MORC1: variants seen among roughly 807,000 people sequenced by gnomAD.
The protein encoded by MORC1 is MORC family CW-type zinc finger 1.
Under a neutral mutation model 134.9 loss-of-function variants are expected in MORC1, and 59 were observed. That is an observed-to-expected ratio of 0.44 (90% CI 0.35 to 0.54). The LOEUF is 0.54. Among genes scored for constraint, MORC1 ranks in the 20% least tolerant of loss-of-function variants. The pLI, the probability that MORC1 is intolerant of heterozygous loss-of-function variation, is 0.00. For synonymous variants in MORC1, 395 were observed against 391.7 expected (o/e 1.01, Z -0.10); for missense variants, 947 against 1,134.5 (o/e 0.83, Z 2.37).
chr3:108,983,211 GA>G (rs34120459), intron 23 of MORC1, among the ~76,000 whole-genome samples: 19,236 of 152,014 alleles, frequency 0.13, 1,304 homozygotes, highest in Non-Finnish European at 0.15. Context: ...CAGCACTGGG[GA>G]AAAAAAGTTA....
At chr3:109,044,728 C>T (rs1432841155) in intron 14 of MORC1, among the ~76,000 whole-genome samples, 2 of 151,622 alleles carry the variant, frequency 1.3e-5, no homozygotes, top group Non-Finnish European at 2.9e-5. Flanking sequence ...GCAGCTCATT[C>T]AAGGTCAGGA....
Position 109,072,934 on chromosome 3 carries a change from A to AACACACACACACAC in MORC1, c.690-3191_690-3178dup, listed in dbSNP as rs58749136. 2.1e-3 allele frequency among the ~76,000 whole-genome samples: 311 copies of AACACACACACACAC among 144,824 alleles called. 1 individual carries two copies. The highest frequency in any genetic ancestry group is 7.7e-3 in the African/African-American group (285 of 37,168). ...AGGAAGAGACAGAACAATCTCCCTC[A>AACACACACACACAC]ACACACACACACACACACACACACA... On this transcript the variant is annotated intron_variant, in intron 8 of 27. Coordinates refer to ENST00000232603, the MANE Select transcript of MORC1 (RefSeq NM_014429.4).
chr3:109,026,003 A>G (rs918045586), intron 17 of MORC1, among the ~76,000 whole-genome samples: 1 of 152,128 alleles, frequency 6.6e-6, no homozygotes, highest in Non-Finnish European at 1.5e-5. Context: ...GATACTCTGT[A>G]TTTCCCATAA....
At chr3:109,034,333 C>G (rs757324851) in intron 15 of MORC1, among the ~76,000 whole-genome samples, 5 of 152,024 alleles carry the variant, frequency 3.3e-5, no homozygotes, top group Non-Finnish European at 7.4e-5. Flanking sequence ...TTTGTTTGCT[C>G]GTCTGTTTTT....
At position 109,027,773 on chromosome 3, in the gene MORC1, C is replaced by A; in HGVS notation, c.1682G>T (p.Arg561Ile). Residue 561 changes from arginine (R) to isoleucine (I), a missense_variant, in exon 17 of 28, where the codon AGA (arginine) becomes ATA (isoleucine). By Grantham distance (97) the Arg-to-Ile change is moderately conservative. This residue lies in a region of MORC1 where 722 missense variants were observed against 817.0 expected (regional missense o/e 0.88). Coordinates refer to ENST00000232603, the MANE Select transcript of MORC1 (RefSeq NM_014429.4). ...CACCTGTGGCTGCTGTTCTGCCAGTCTATTTTGATACTTTATGACCGACTC... is the reference window on the plus strand; with the variant it reads ...CACCTGTGGCTGCTGTTCTGCCAGTATATTTTGATACTTTATGACCGACTC... Reference protein sequence around the residue: ...LRESVIKYQNRLAEQQPQPQF... With the variant: ...LRESVIKYQNILAEQQPQPQF... 1 of 1,613,724 alleles carries A rather than the reference C, an allele frequency of 6.2e-7. No homozygotes were observed. Among genetic ancestry groups the A allele is most frequent in the Non-Finnish European group, 8.5e-7 (1 of 1,179,806 alleles).
At position 109,118,029 on chromosome 3, in the gene MORC1, C is replaced by A. The variant is rs1181102117; in HGVS notation, c.31G>T (p.Ala11Ser). Residue 11 changes from alanine to serine, a missense_variant, in exon 1 of 28, where the codon GCC becomes TCC. By Grantham distance (99) the Ala-to-Ser change is moderately conservative (BLOSUM62 1). Transcript: ENST00000232603. MDDRYPALQR[A>S]QLRLDFIHAN... Reference sequence around the variant, plus strand: ...TGGATGAAATCCAGACGCAGCTGGGCCCGCTGAAGCGCAGGGTACCTGTCG... The same window carrying A: ...TGGATGAAATCCAGACGCAGCTGGGACCGCTGAAGCGCAGGGTACCTGTCG... 3.1e-6 allele frequency: 5 copies of A among 1,609,598 alleles called. No individual in the cohort carries two copies. In the South Asian group the frequency reaches 3.3e-5, roughly 11 times the overall value.
At chr3:108,963,256 T>G (rs1367210087) in intron 27 of MORC1, among the ~76,000 whole-genome samples, 158 bp downstream of exon 27, 1 of 152,084 alleles carries the variant, frequency 6.6e-6, no homozygotes, top group Admixed American at 6.6e-5. Context: ...CCTTCACAGT[T>G]CATTTATTTA....
At chr3:109,048,835 T>C in intron 14 of MORC1, among the ~76,000 whole-genome samples, 1 of 152,136 alleles carries the variant, frequency 6.6e-6, no homozygotes, top group Non-Finnish European at 1.5e-5. Flanking sequence ...CCCAAACGAC[T>C]CCATTTTAAA....
intron 26 of MORC1, among the ~76,000 whole-genome samples, chr3:108,966,757 T>C (rs1043332570): frequency 6.6e-5 from 10 of 152,032 alleles, no homozygotes; most frequent in Non-Finnish European, 1.3e-4. Flanking sequence ...CCACTGTGTA[T>C]TGGGAGAGTC....
intron 1 of MORC1, among the ~76,000 whole-genome samples, chr3:109,117,051 TC>T (rs141670002): frequency 0.04 from 6,090 of 152,288 alleles, 266 homozygotes; most frequent in Middle Eastern, 0.11. Flanking sequence ...TTAAACTCAC[TC>T]GAAACTATTA....
intron 8 of MORC1, among the ~76,000 whole-genome samples, chr3:109,086,881 T>G (rs1950624829): frequency 6.6e-6 from 1 of 152,014 alleles, no homozygotes; most frequent in South Asian, 2.1e-4. Context: ...AAAAGTCAAA[T>G]TATTTCAAAA....
chr3:108,964,620 T>C (rs910087453), intron 26 of MORC1, among the ~76,000 whole-genome samples: 11 of 152,176 alleles, frequency 7.2e-5, no homozygotes, highest in African/African-American at 2.7e-4. Context: ...TATAGGAAAT[T>C]CTGTTTAATA....
chr3:109,067,813 T>C (rs1448756586), intron 9 of MORC1, among the ~76,000 whole-genome samples: 1 of 152,156 alleles, frequency 6.6e-6, no homozygotes, highest in East Asian at 1.9e-4. Flanking sequence ...GCGAAATCCA[T>C]TGGTGCGTGG....
At position 109,104,228 on chromosome 3, in the gene MORC1, T is replaced by C. The variant is rs563036951; in HGVS notation, c.155-311A>G. Among the ~76,000 whole-genome samples, 5 of 152,296 alleles carry C rather than the reference T, an allele frequency of 3.3e-5. No homozygotes were observed. In the East Asian group the frequency reaches 9.6e-4, roughly 29 times the overall value. On this transcript the variant is annotated intron_variant, in intron 3 of 27. Transcript: ENST00000232603. Reference sequence around the variant, plus strand: ...TTAAATGTCAGGCATTTCCTCTCTGTGGGGAGGGAAAAAGGTAAATGGTGA... The same window carrying C: ...TTAAATGTCAGGCATTTCCTCTCTGCGGGGAGGGAAAAAGGTAAATGGTGA...
intron 6 of MORC1, among the ~76,000 whole-genome samples, chr3:109,097,219 T>C (rs1336143759): frequency 6.6e-6 from 1 of 152,090 alleles, no homozygotes; most frequent in Non-Finnish European, 1.5e-5. Flanking sequence ...GGGTCACATA[T>C]AAGATTAAGT....
At chr3:109,080,617 T>C (rs902886670) in intron 8 of MORC1, among the ~76,000 whole-genome samples, 1 of 152,236 alleles carries the variant, frequency 6.6e-6, no homozygotes, top group Non-Finnish European at 1.5e-5. Flanking sequence ...CGTATAAGTG[T>C]GCCAGTTCTC....
chr3:109,100,268 T>C (rs752289507), intron 5 of MORC1, 149 bp downstream of exon 5: 67 of 582,482 alleles, frequency 1.2e-4, no homozygotes, highest in Non-Finnish European at 1.8e-4. Context: ...GTTTTGTATA[T>C]GGAGATTCCA....
intron 17 of MORC1, among the ~76,000 whole-genome samples, chr3:109,025,956 AC>A (rs917812544): frequency 7.9e-5 from 12 of 152,052 alleles, no homozygotes; most frequent in African/African-American, 2.7e-4. Flanking sequence ...AACCAACACT[AC>A]CCCTGCTCTC....
intron 16 of MORC1, among the ~76,000 whole-genome samples, chr3:109,029,768 T>A (rs1291586401): frequency 6.6e-6 from 1 of 152,226 alleles, no homozygotes; most frequent in African/African-American, 2.4e-5. Flanking sequence ...TTGTAAGATG[T>A]ATTTTGTCCA....
Sources: gnomAD v4.1 joint callset for allele counts (sites outside exome capture counted in the v4.1 genomes callset) on GRCh38, gnomAD v4.1.1 for gene constraint, gnomAD v4.1.1 regional missense constraint, MANE v1.5 for transcripts, NCBI Gene and HGNC (gene_info 2026-07-23, HGNC 2026-07-21) for gene names.